Variants in EXOC6B observed in about 807,000 individuals in gnomAD.
The protein encoded by EXOC6B is exocyst complex component 6B.
A neutral mutation model predicts 113.5 loss-of-function variants in EXOC6B; 54 were observed. The observed-to-expected ratio is 0.48, with a 90% CI of 0.38 to 0.60. The LOEUF (loss-of-function observed/expected upper bound fraction) is 0.60. Ranked by LOEUF, EXOC6B falls within the 20% of genes least tolerant of loss-of-function variation. The probability of loss-of-function intolerance (pLI) is 0.00; values close to 1 mark genes in which losing one functional copy is unlikely to be tolerated. For synonymous variants in EXOC6B, 357 were observed against 339.0 expected (o/e 1.05, Z -0.58); for missense variants, 797 against 977.5 (o/e 0.82, Z 2.46).
chr2:72,617,775 A>G (rs528294353), intron 6 of EXOC6B, among the ~76,000 whole-genome samples: 88 of 152,112 alleles, frequency 5.8e-4, no homozygotes, highest in African/African-American at 2.0e-3. Flanking sequence ...TCAGCCGCCC[A>G]AAGTGCTAGG....
chr2:72,183,677 G>A (rs1249883156), intron 21 of EXOC6B, among the ~76,000 whole-genome samples: 1 of 152,088 alleles, frequency 6.6e-6, no homozygotes, highest in Non-Finnish European at 1.5e-5. Context: ...CTGTTCTGTG[G>A]AGTTGCACTA....
chr2:72,592,786 G>A (rs953630001), intron 6 of EXOC6B, among the ~76,000 whole-genome samples: 9 of 152,114 alleles, frequency 5.9e-5, no homozygotes, highest in Non-Finnish European at 1.2e-4. Context: ...CCTGGTTTCT[G>A]GCACAGAGCA....
intron 11 of EXOC6B, among the ~76,000 whole-genome samples, chr2:72,504,385 A>T (rs1426943540): frequency 6.6e-6 from 1 of 152,190 alleles, no homozygotes; most frequent in Non-Finnish European, 1.5e-5. Flanking sequence ...TCTCAACATT[A>T]TATAAGTGGA....
intron 5 of EXOC6B, among the ~76,000 whole-genome samples, chr2:72,726,443 CA>C (rs1680305420): frequency 6.6e-6 from 1 of 152,104 alleles, no homozygotes; most frequent in South Asian, 2.1e-4. Context: ...AATTCATAGC[CA>C]GCAGACTGAT....
At chr2:72,749,722 TC>T (rs1282360476) in intron 1 of EXOC6B, among the ~76,000 whole-genome samples, 1 of 151,924 alleles carries the variant, frequency 6.6e-6, no homozygotes, top group Non-Finnish European at 1.5e-5. Flanking sequence ...CACTTCGGTC[TC>T]CACACTTAAA....
At chr2:72,364,987 A>C (rs969196150) in intron 19 of EXOC6B, among the ~76,000 whole-genome samples, 1 of 152,166 alleles carries the variant, frequency 6.6e-6, no homozygotes, top group African/African-American at 2.4e-5. Flanking sequence ...TGGTTTAGCC[A>C]ATCATTATGT....
chr2:72,718,131 T>C lies in EXOC6B; in HGVS notation c.641A>G (p.Asp214Gly). 6.2e-7 allele frequency: 1 copy of C among 1,612,948 alleles called. No homozygotes were observed. The highest frequency in any genetic ancestry group is 8.5e-7 in the Non-Finnish European group (1 of 1,179,320). ...CTTCATGGCAGTCTCTCCAATTTTGTCTGAATGTTTGCGGATGCTCTCCAG... is the reference window on the plus strand; with the variant it reads ...CTTCATGGCAGTCTCTCCAATTTTGCCTGAATGTTTGCGGATGCTCTCCAG... ...DFLESIRKHS[D>G]KIGETAMKQA... Residue 214 changes from aspartate to glycine, a missense_variant, in exon 6 of 22, where the codon GAC becomes GGC. By Grantham distance (94) the Asp-to-Gly change is moderately conservative (BLOSUM62 -1). Transcript: ENST00000272427.
chr2:72,183,584 G>T (rs991866876), intron 21 of EXOC6B, among the ~76,000 whole-genome samples: 1 of 152,148 alleles, frequency 6.6e-6, no homozygotes, highest in African/African-American at 2.4e-5. Flanking sequence ...AGTCTGGCAG[G>T]GGGTGGGAGC....
At chr2:72,824,677 G>C (rs1238228622) in intron 1 of EXOC6B, among the ~76,000 whole-genome samples, 4 of 152,098 alleles carry the variant, frequency 2.6e-5, no homozygotes, top group African/African-American at 9.7e-5. Flanking sequence ...GTGCAAGGAG[G>C]GTAGGATAGT....
rs755364038 is a variant in EXOC6B at position 72,632,687 on chromosome 2, A to AT, written c.670-57020dup. 2.0e-3 allele frequency among the ~76,000 whole-genome samples: 298 copies of AT among 151,524 alleles called. 1 individual carries two copies. The highest frequency in any genetic ancestry group is 3.4e-3 in the Middle Eastern group (1 of 294). On this transcript the variant is annotated intron_variant, in intron 6 of 21. Transcript: ENST00000272427. Reference sequence around the variant, plus strand: ...AAGTCTCAAACACTAGCTTCTCTCAATTTTTTTTTATTTTTTTATTTTTTG... The same window carrying AT: ...AAGTCTCAAACACTAGCTTCTCTCAATTTTTTTTTTATTTTTTTATTTTTTG...
At chr2:72,379,601 T>C in intron 19 of EXOC6B, 128 bp downstream of exon 19, 1 of 843,946 alleles carries the variant, frequency 1.2e-6, no homozygotes, top group Non-Finnish European at 1.7e-6. Context: ...CTATAAGTTA[T>C]CTCTGTTATC....
At chr2:72,421,520 T>C (rs947586824) in intron 18 of EXOC6B, among the ~76,000 whole-genome samples, 1 of 152,270 alleles carries the variant, frequency 6.6e-6, no homozygotes, top group Admixed American at 6.5e-5. Flanking sequence ...TAATGACTAA[T>C]TGACATTTTA....
At chr2:72,401,954 T>A (rs1693363225) in intron 18 of EXOC6B, among the ~76,000 whole-genome samples, 1 of 151,602 alleles carries the variant, frequency 6.6e-6, no homozygotes, top group South Asian at 2.1e-4. Context: ...ATTGCTGACA[T>A]AAGATTTTTT....
intron 6 of EXOC6B, among the ~76,000 whole-genome samples, chr2:72,646,071 G>A (rs1178121661): frequency 6.6e-6 from 1 of 151,972 alleles, no homozygotes; most frequent in Non-Finnish European, 1.5e-5. Context: ...AGAAAAGAGA[G>A]AAGAATCAAA....
intron 18 of EXOC6B, among the ~76,000 whole-genome samples, chr2:72,427,826 G>T (rs1695295322): frequency 6.6e-6 from 1 of 152,148 alleles, no homozygotes; most frequent in Non-Finnish European, 1.5e-5. Flanking sequence ...AACTTGCAGT[G>T]CCTTTTCCAG....
At chr2:72,631,455 TATATATAGAGAGAGAGAG>T (rs1558862424) in intron 6 of EXOC6B, among the ~76,000 whole-genome samples, 11 of 18,352 alleles carry the variant, frequency 6.0e-4, no homozygotes, top group South Asian at 2.8e-3. Context: ...TATATATATA[TATATATAGAGAGAGAGAG>T]AGAGAGAGAG....
chr2:72,687,573 C>T (rs188464656), intron 6 of EXOC6B, among the ~76,000 whole-genome samples: 8 of 151,808 alleles, frequency 5.3e-5, no homozygotes, highest in African/African-American at 1.2e-4. Context: ...AAGGAAACAA[C>T]GTTAAGTAGG....
chr2:72,508,163 CAAAAAAAAAAAA>C (rs67586747), intron 11 of EXOC6B, among the ~76,000 whole-genome samples: 6 of 57,552 alleles, frequency 1.0e-4, no homozygotes, highest in African/African-American at 7.8e-4. Context: ...ATATTACCCG[CAAAAAAAAAAAA>C]AAAAAAAAAA....
chr2:72,825,803 C>T lies in EXOC6B; in HGVS notation c.108G>A (p.Thr36=). 6.2e-7 allele frequency: 1 copy of T among 1,612,434 alleles called. No individual in the cohort carries two copies. The highest frequency in any genetic ancestry group is 1.3e-5 in the African/African-American group (1 of 75,052). Reference sequence around the variant, plus strand: ...GGTCCCGGCACCCGGGGTACCTGAGCGTGGGCCCGATGCAGGCCGTGTCAG... The same window carrying T: ...GGTCCCGGCACCCGGGGTACCTGAGTGTGGGCCCGATGCAGGCCGTGTCAG... ...ESTDTACIGP[T]LRSVYDGEEH... The change falls in exon 1 of 22, where the codon ACG becomes ACA. Residue 36 remains threonine (T), a synonymous_variant. Transcript: ENST00000272427. The surrounding 1 kb of genome is among the most constrained non-coding windows in gnomAD (Gnocchi z 4.4).
Sources: gnomAD v4.1 joint callset for allele counts (sites outside exome capture counted in the v4.1 genomes callset) on GRCh38, gnomAD v4.1.1 for gene constraint, Gnocchi (gnomAD v3.1) non-coding constraint, MANE v1.5 for transcripts, NCBI Gene and HGNC (gene_info 2026-07-23, HGNC 2026-07-21) for gene names.